Variants in CSMD1 observed in about 807,000 individuals in gnomAD.
CSMD1 encodes the protein CUB and Sushi multiple domains 1.
In CSMD1, 213 loss-of-function variants were observed where a neutral mutation model predicts 417.5. That is an observed-to-expected ratio of 0.51 (90% CI 0.46 to 0.57). The LOEUF is 0.57. CSMD1 is among the 20% of genes least tolerant of loss of function. CSMD1 has a pLI of 0.00. For synonymous variants in CSMD1, 2,862 were observed against 1,736.8 expected, an observed-to-expected ratio of 1.65 and a Z score of -16.11; for missense variants, 6,923 against 4,529.7, an observed-to-expected ratio of 1.53 and a Z score of -15.17.
At chr8:3,556,122 C>T (rs745836465) in intron 10 of CSMD1, among the ~76,000 whole-genome samples, 11 of 151,984 alleles carry the variant, frequency 7.2e-5, no homozygotes, top group Non-Finnish European at 1.5e-4. Context: ...CAAAACCCAG[C>T]AGCACAAAAC....
At chr8:4,240,743 T>C (rs914961739) in intron 3 of CSMD1, among the ~76,000 whole-genome samples, 10 of 152,192 alleles carry the variant, frequency 6.6e-5, no homozygotes, top group African/African-American at 2.4e-4. Context: ...CTTCCTTTTT[T>C]CTGTGCCCTT....
At chr8:3,815,622 CTTTCTT>C (rs200944852) in intron 5 of CSMD1, among the ~76,000 whole-genome samples, 916 of 68,546 alleles carry the variant, frequency 0.013, 10 homozygotes, top group African/African-American at 0.055. Context: ...CACTGCTAGA[CTTTCTT>C]TTTTTTTTTT....
chr8:4,572,386 G>T (rs987512407), intron 2 of CSMD1, among the ~76,000 whole-genome samples: 3 of 152,126 alleles, frequency 2.0e-5, no homozygotes, highest in African/African-American at 7.2e-5. Context: ...AGCTTAGTTT[G>T]GCTGGACATG....
intron 5 of CSMD1, among the ~76,000 whole-genome samples, chr8:3,839,380 TAC>T (rs556889669): frequency 0.023 from 1,661 of 70,794 alleles, 25 homozygotes; most frequent in African/African-American, 0.051. Flanking sequence ...TCTCTAGATA[TAC>T]AGTCTCCATA....
In CSMD1 at chr8:2,949,215, G is replaced by C; in HGVS notation, c.10402+84C>G. On this transcript the variant is annotated intron_variant, in intron 68 of 69. Transcript: ENST00000635120. ...TATTTTTGTTTAGGTTTCTTTTAGA[G>C]TCGTCTTTTCCATTTCTTCTTAGAA... 1.1e-5 allele frequency: 8 copies of C among 734,622 alleles called. No homozygotes were observed. The South Asian group carries it at 1.4e-4, about 13-fold the overall frequency. 45.5% of individuals were successfully genotyped at this position (734,622 alleles called of 1,614,324 possible). A position where few individuals can be genotyped will look rare whatever the true frequency, so the allele number is the denominator to read the frequency against.
chr8:3,407,716 C>T (rs58959537), intron 14 of CSMD1, among the ~76,000 whole-genome samples, 183 bp downstream of exon 14: 1 of 152,128 alleles, frequency 6.6e-6, no homozygotes, highest in Non-Finnish European at 1.5e-5. Context: ...TATCTAAATA[C>T]AGTGATACAT....
intron 5 of CSMD1, among the ~76,000 whole-genome samples, chr8:3,801,935 G>T (rs1001527148): frequency 1.3e-5 from 2 of 151,980 alleles, no homozygotes; most frequent in African/African-American, 4.8e-5. Context: ...GGGGAGTCAG[G>T]GTAGAACAGA....
Position 3,653,918 on chromosome 8 carries a change from T to C in CSMD1, c.1010-37121A>G, listed in dbSNP as rs561415876. Among the ~76,000 whole-genome samples, 3 of 152,344 alleles carry C rather than the reference T, an allele frequency of 2.0e-5. No homozygotes were observed. In the South Asian group the frequency reaches 6.2e-4, roughly 32 times the overall value. On this transcript the variant is annotated intron_variant, in intron 7 of 69. Transcript: ENST00000635120. ...AGTATTAAAAATCAGCACTTGCTCTTGTGTCTGAAACTGACAAGTTTCATT... is the reference window on the plus strand; with the variant it reads ...AGTATTAAAAATCAGCACTTGCTCTCGTGTCTGAAACTGACAAGTTTCATT...
chr8:3,436,276 A>G (rs145657155), intron 12 of CSMD1, among the ~76,000 whole-genome samples: 185 of 152,366 alleles, frequency 1.2e-3, no homozygotes, highest in Non-Finnish European at 1.5e-3. Context: ...ACGCGATAGT[A>G]AGATACATCC....
At chr8:3,336,814 C>T (rs534414128) in intron 23 of CSMD1, among the ~76,000 whole-genome samples, 3 of 152,268 alleles carry the variant, frequency 2.0e-5, no homozygotes, top group African/African-American at 7.2e-5. Context: ...AGGACAGGCA[C>T]AGCTCCTGTC....
intron 1 of CSMD1, among the ~76,000 whole-genome samples, chr8:4,811,591 T>C (rs7839952): frequency 0.26 from 40,038 of 152,018 alleles, 5,556 homozygotes; most frequent in South Asian, 0.31. Flanking sequence ...CCTTTGGCAA[T>C]AATTAAAATG....
intron 5 of CSMD1, among the ~76,000 whole-genome samples, chr8:3,793,562 A>C (rs1233038338): frequency 1.3e-5 from 2 of 149,236 alleles, no homozygotes; most frequent in Non-Finnish European, 3.0e-5. Context: ...CCCTCCTCCA[A>C]AGCCTGCCAC....
At chr8:4,560,106 G>C (rs577189478) in intron 2 of CSMD1, among the ~76,000 whole-genome samples, 1 of 152,214 alleles carries the variant, frequency 6.6e-6, no homozygotes, top group Non-Finnish European at 1.5e-5. Flanking sequence ...ACCTCCACGT[G>C]GTGACTGCAC....
intron 1 of CSMD1, among the ~76,000 whole-genome samples, chr8:4,860,498 A>T (rs1802067102): frequency 6.6e-6 from 1 of 151,792 alleles, no homozygotes; most frequent in South Asian, 2.1e-4. Context: ...ATCATCTTTT[A>T]CCATGAGTAA....
chr8:4,462,945 G>T (rs994321707), intron 2 of CSMD1, among the ~76,000 whole-genome samples: 1 of 151,980 alleles, frequency 6.6e-6, no homozygotes, highest in East Asian at 1.9e-4. Flanking sequence ...CACAAGAAAA[G>T]AATTAACTGG....
chr8:3,497,855 T>C (rs1157897712), intron 10 of CSMD1, among the ~76,000 whole-genome samples: 3 of 152,264 alleles, frequency 2.0e-5, no homozygotes, highest in Non-Finnish European at 4.4e-5. Context: ...GATATGGTTT[T>C]ACTTCTTTCT....
intron 12 of CSMD1, among the ~76,000 whole-genome samples, chr8:3,415,867 C>T (rs905589095): frequency 1.3e-5 from 2 of 151,930 alleles, no homozygotes; most frequent in Non-Finnish European, 2.9e-5. Context: ...GAAACATATC[C>T]CCAAGTTTTC....
intron 26 of CSMD1, among the ~76,000 whole-genome samples, chr8:3,237,777 TTA>T (rs1799245806): frequency 8.7e-6 from 1 of 115,222 alleles, no homozygotes; most frequent in South Asian, 2.6e-4. Flanking sequence ...ATTTTTATAA[TTA>T]TACTTATACT....
rs532977704 is a variant in CSMD1, at chr8:4,211,301, T to C, written c.416-179202A>G. On this transcript the variant is annotated intron_variant, in intron 3 of 69. Transcript: ENST00000635120. Reference sequence around the variant, plus strand: ...TGATCCCTTTTCTTTGGTTCTTTTCTTTAATCTGCTATCATTATATCCAAC... The same window carrying C: ...TGATCCCTTTTCTTTGGTTCTTTTCCTTAATCTGCTATCATTATATCCAAC... 4.0e-3 allele frequency among the ~76,000 whole-genome samples: 602 copies of C among 152,302 alleles called. 7 individuals carry two copies. Among genetic ancestry groups the C allele is most frequent in the African/African-American group, 0.014 (578 of 41,562 alleles).
Sources: allele counts gnomAD v4.1 joint callset (sites outside exome capture counted in the v4.1 genomes callset), GRCh38; gene constraint gnomAD v4.1.1; transcripts MANE v1.5; gene names NCBI Gene and HGNC (gene_info 2026-07-23, HGNC 2026-07-21).